Variants in SYNPR observed in about 807,000 individuals in gnomAD.
SYNPR encodes synaptoporin.
In SYNPR, 23 loss-of-function variants were observed where a neutral mutation model predicts 32.9. The ratio of observed to expected loss-of-function variants is 0.70; its 90% CI spans 0.50 to 0.99. The LOEUF is 0.99. Among genes scored for constraint, SYNPR ranks in the 50% least tolerant of loss-of-function variants. The probability of loss-of-function intolerance (pLI) is 0.00; values close to 1 mark genes in which losing one functional copy is unlikely to be tolerated. For synonymous variants in SYNPR, 146 were observed against 135.9 expected (o/e 1.07, Z -0.52); for missense variants, 318 against 349.3 (o/e 0.91, Z 0.71).
intron 2 of SYNPR, among the ~76,000 whole-genome samples, chr3:63,468,709 G>C (rs1215766347): frequency 6.6e-6 from 1 of 152,164 alleles, no homozygotes; most frequent in Admixed American, 6.5e-5. Context: ...GCTGAGGCGT[G>C]AGGATGGCTT....
chr3:63,615,733 T>C lies in SYNPR; in HGVS notation c.*252T>C. 2 of 386,624 alleles carry C rather than the reference T, an allele frequency of 5.2e-6. No individual in the cohort carries two copies. Among genetic ancestry groups the C allele is most frequent in the Non-Finnish European group, 9.1e-6 (2 of 218,586 alleles). 23.9% of individuals were successfully genotyped at this position (386,624 alleles called of 1,614,324 possible). A position where few individuals can be genotyped will look rare whatever the true frequency, so the allele number is the denominator to read the frequency against. On this transcript the variant is annotated 3_prime_UTR_variant, in exon 6 of 6. Coordinates refer to ENST00000478300, the MANE Select transcript of SYNPR (RefSeq NM_001130003.2). ...TACCTTGTTATATATACAGATACTT[T>C]CATGGTCATTTTGTATGTATGTTAA...
intron 2 of SYNPR, among the ~76,000 whole-genome samples, chr3:63,393,383 T>C (rs1350536890): frequency 1.3e-5 from 2 of 152,294 alleles, no homozygotes; most frequent in Middle Eastern, 3.4e-3. Context: ...TTATTTTGTA[T>C]GTATTCTTTT....
At chr3:63,529,162 G>C (rs902919442) in intron 3 of SYNPR, among the ~76,000 whole-genome samples, 2 of 152,248 alleles carry the variant, frequency 1.3e-5, no homozygotes, top group Admixed American at 1.3e-4. Context: ...AGTATCCATG[G>C]GGGACCCCTG....
At chr3:63,394,075 T>G (rs183163344) in intron 2 of SYNPR, among the ~76,000 whole-genome samples, 4 of 152,292 alleles carry the variant, frequency 2.6e-5, no homozygotes, top group Admixed American at 2.6e-4. Flanking sequence ...TATATTTATT[T>G]TAGCCAATAC....
At chr3:63,313,090 CTAA>C (rs1420224422) in intron 2 of SYNPR, among the ~76,000 whole-genome samples, 1 of 152,006 alleles carries the variant, frequency 6.6e-6, no homozygotes, top group African/African-American at 2.4e-5. Flanking sequence ...AATCACTCAT[CTAA>C]TAATACATTC....
At chr3:63,539,570 C>T (rs1487761405) in intron 3 of SYNPR, among the ~76,000 whole-genome samples, 1 of 152,018 alleles carries the variant, frequency 6.6e-6, no homozygotes, top group Non-Finnish European at 1.5e-5. Context: ...TGGTCCTTGC[C>T]CACAGTGAAA....
chr3:63,282,357 G>C (rs560714938), intron 2 of SYNPR, among the ~76,000 whole-genome samples: 1 of 152,160 alleles, frequency 6.6e-6, no homozygotes, highest in South Asian at 2.1e-4. Flanking sequence ...GAACATACTG[G>C]ATCTAAATGA....
At chr3:63,585,451 C>CA (rs1703166875) in intron 4 of SYNPR, among the ~76,000 whole-genome samples, 1 of 107,754 alleles carries the variant, frequency 9.3e-6, no homozygotes. Context: ...ATATCCATGC[C>CA]CCCCCCCTCC....
chr3:63,612,801 A>G (rs889088972), intron 5 of SYNPR, among the ~76,000 whole-genome samples: 1 of 152,140 alleles, frequency 6.6e-6, no homozygotes, highest in African/African-American at 2.4e-5. Context: ...AAAGATCAAT[A>G]GATAGGAAAT....
chr3:63,328,817 A>T (rs2087193299), intron 2 of SYNPR, among the ~76,000 whole-genome samples: 1 of 152,146 alleles, frequency 6.6e-6, no homozygotes, highest in Admixed American at 6.5e-5. Context: ...CGAGTATTAC[A>T]GTGGTGGCTT....
At chr3:63,386,310 T>C (rs2088044143) in intron 2 of SYNPR, among the ~76,000 whole-genome samples, 1 of 152,178 alleles carries the variant, frequency 6.6e-6, no homozygotes, top group South Asian at 2.1e-4. Flanking sequence ...AGCCTTATTG[T>C]CTTACTCCAA....
chr3:63,299,670 G>A (rs777053500), intron 2 of SYNPR, among the ~76,000 whole-genome samples: 4 of 152,108 alleles, frequency 2.6e-5, no homozygotes, highest in Non-Finnish European at 4.4e-5. Context: ...CTTCAAGAAG[G>A]AACAATGGGT....
chr3:63,255,110 G>C (rs1313303532), intron 2 of SYNPR, among the ~76,000 whole-genome samples: 1 of 152,104 alleles, frequency 6.6e-6, no homozygotes, highest in Non-Finnish European at 1.5e-5. Flanking sequence ...GGTGATAGTA[G>C]CACACCTTCC....
intron 3 of SYNPR, among the ~76,000 whole-genome samples, chr3:63,517,982 G>T (rs533403898): frequency 6.6e-6 from 1 of 152,270 alleles, no homozygotes; most frequent in Admixed American, 6.5e-5. Flanking sequence ...CATAATGCAG[G>T]TTGGCAAGAA....
At chr3:63,520,712 C>T (rs919682262) in intron 3 of SYNPR, among the ~76,000 whole-genome samples, 8 of 151,942 alleles carry the variant, frequency 5.3e-5, no homozygotes, top group Non-Finnish European at 8.8e-5. Flanking sequence ...TCACCATCGC[C>T]ATCAATTTAA....
chr3:63,271,514 TA>T (rs1321559967), intron 3 of SYNPR, among the ~76,000 whole-genome samples: 1 of 152,194 alleles, frequency 6.6e-6, no homozygotes, highest in Non-Finnish European at 1.5e-5. Flanking sequence ...GAGAATATAA[TA>T]AAGTGAATGC....
intron 3 of SYNPR, among the ~76,000 whole-genome samples, chr3:63,524,844 T>TGCAC (rs775532834): frequency 1.3e-5 from 2 of 148,534 alleles, no homozygotes; most frequent in Admixed American, 6.7e-5. Flanking sequence ...TGTGTGTGTG[T>TGCAC]GTGTGTGCAT....
intron 2 of SYNPR, among the ~76,000 whole-genome samples, chr3:63,350,889 C>T (rs1362807278): frequency 6.6e-6 from 1 of 152,198 alleles, no homozygotes. Context: ...TTCTCGACCT[C>T]TGTTCAAGGT....
At chr3:63,343,727 C>A (rs1421690872) in intron 2 of SYNPR, among the ~76,000 whole-genome samples, 1 of 152,174 alleles carries the variant, frequency 6.6e-6, no homozygotes, top group African/African-American at 2.4e-5. Context: ...TGATTCCCTG[C>A]CTAACTTTAA....
Sources: gnomAD v4.1 joint callset for allele counts (sites outside exome capture counted in the v4.1 genomes callset) on GRCh38, gnomAD v4.1.1 for gene constraint, MANE v1.5 for transcripts, NCBI Gene and HGNC (gene_info 2026-07-23, HGNC 2026-07-21) for gene names.